MGAT3: variants seen among roughly 807,000 people sequenced by gnomAD.
MGAT3 encodes the protein beta-1,4-mannosyl-glycoprotein 4-beta-N-acetylglucosaminyltransferase, also known as GlcNAc-T III.
Under a neutral mutation model 29.8 loss-of-function variants are expected in MGAT3, and 9 were observed. The observed-to-expected ratio is 0.30, with a 90% confidence interval of 0.18 to 0.53. The LOEUF (loss-of-function observed/expected upper bound fraction) is 0.53, where lower values mean the gene tolerates loss of function less well. Ranked by LOEUF, MGAT3 falls within the 20% of genes least tolerant of loss-of-function variation. The pLI is 0.96. For synonymous variants in MGAT3, 397 were observed against 348.9 expected, an observed-to-expected ratio of 1.14 and a Z score of -1.54; for missense variants, 557 against 769.5, an observed-to-expected ratio of 0.72 and a Z score of 3.27.
rs892570952 is a variant in MGAT3 at position 39,462,687 on chromosome 22, C to T, written c.-2+5130C>T. On this transcript the variant is annotated intron_variant, in intron 1 of 1. Transcript: ENST00000341184. ...AGCAGGGAGCTGACAAGGGGACCCA[C>T]GGCCTTGCCCATAAGTCAGGAAGTT... 7.2e-5 allele frequency among the ~76,000 whole-genome samples: 11 copies of T among 152,306 alleles called. No homozygotes were observed. The East Asian group carries it at 1.5e-3, about 21-fold the overall frequency.
At position 39,490,450 on chromosome 22, in the gene MGAT3, G is replaced by C. The variant is rs995406540; in HGVS notation, c.*1501G>C. The C allele has an allele frequency of 2.4e-5, 4 of 167,128 alleles. No homozygotes were observed. In the East Asian group the frequency reaches 7.6e-4, roughly 32 times the overall value. 10.4% of individuals were successfully genotyped at this position (167,128 alleles called of 1,614,324 possible). A position where few individuals can be genotyped will look rare whatever the true frequency, so the allele number is the denominator to read the frequency against. On this transcript the variant is annotated 3_prime_UTR_variant, in exon 2 of 2. Coordinates refer to ENST00000341184, the MANE Select transcript of MGAT3 (RefSeq NM_002409.5). Reference sequence around the variant, plus strand: ...GTTATCTTATTGATGGAGGAGAAGAGAATGGATATGGGGGACCAGTAGCAT... The same window carrying C: ...GTTATCTTATTGATGGAGGAGAAGACAATGGATATGGGGGACCAGTAGCAT...
chr22:39,487,716 G>A lies in MGAT3; in HGVS notation c.369G>A (p.Lys123=), dbSNP rs1408691825. ...AGGVCFKPGT[K]MLERPPPGRP... The stretch of plus-strand genomic sequence containing the variant: ...GCGTCTGCTTCAAACCCGGCACCAA[G>A]ATGCTGGAGAGGCCGCCCCCGGGAC... The change falls in exon 2 of 2, where the codon AAG becomes AAA. Residue 123 remains lysine (K), a synonymous_variant. Transcript: ENST00000341184. This position sits in a 1 kb window ranked among gnomAD's most constrained non-coding sequence, Gnocchi z 5.7. 1 of 1,570,104 alleles carries A rather than the reference G, an allele frequency of 6.4e-7. No individual in the cohort carries two copies. Among genetic ancestry groups the A allele is most frequent in the Non-Finnish European group, 8.6e-7 (1 of 1,160,472 alleles).
At chr22:39,464,704 G>C (rs1198132975) in intron 1 of MGAT3, among the ~76,000 whole-genome samples, 2 of 151,872 alleles carry the variant, frequency 1.3e-5, no homozygotes, top group Non-Finnish European at 2.9e-5. Flanking sequence ...GCCTCCCAAA[G>C]TGCTGAGATT....
At chr22:39,467,487 C>T (rs1928681991) in intron 1 of MGAT3, among the ~76,000 whole-genome samples, 1 of 152,038 alleles carries the variant, frequency 6.6e-6, no homozygotes, top group African/African-American at 2.4e-5. Flanking sequence ...CTCTCAAGAG[C>T]CCCAAAGAGT....
chr22:39,475,466 T>A (rs1411111836), intron 1 of MGAT3, among the ~76,000 whole-genome samples: 5 of 152,104 alleles, frequency 3.3e-5, no homozygotes, highest in Non-Finnish European at 4.4e-5. Context: ...ATCACCTGCC[T>A]AATGCCCCTG....
chr22:39,471,016 A>G (rs1928794527), intron 1 of MGAT3, among the ~76,000 whole-genome samples: 1 of 152,184 alleles, frequency 6.6e-6, no homozygotes, highest in African/African-American at 2.4e-5. Context: ...CAGAGGCAGA[A>G]GCACTCAGCC....
intron 1 of MGAT3, among the ~76,000 whole-genome samples, chr22:39,473,342 G>GT (rs1928864284): frequency 6.6e-6 from 1 of 152,208 alleles, no homozygotes; most frequent in African/African-American, 2.4e-5. Flanking sequence ...AAGGGCAGAA[G>GT]TATCCACACA....
chr22:39,480,408 A>T (rs1601726892), intron 1 of MGAT3, among the ~76,000 whole-genome samples: 1 of 152,106 alleles, frequency 6.6e-6, no homozygotes, highest in Admixed American at 6.5e-5. Flanking sequence ...AACCACAGTG[A>T]CCCTCCTGGC....
At position 39,487,534 on chromosome 22, in the gene MGAT3, G is replaced by A. The variant is rs368729519; in HGVS notation, c.187G>A (p.Glu63Lys). The change falls in exon 2 of 2, where the codon GAG (glutamate) becomes AAG (lysine). Residue 63 changes from glutamate to lysine, a missense_variant. By Grantham distance (56) the Glu-to-Lys change is moderately conservative (BLOSUM62 1). This residue lies in a region of MGAT3 where 212 missense variants were observed against 228.5 expected (regional missense o/e 0.93). Coordinates refer to ENST00000341184, the MANE Select transcript of MGAT3 (RefSeq NM_002409.5). This position sits in a 1 kb window ranked among gnomAD's most constrained non-coding sequence, Gnocchi z 5.7. ...CCCGGTCACGCCCCAGGCCAGCCCCGAGCCAGGAGGCCCTGACCTGCTGCG... is the reference window on the plus strand; with the variant it reads ...CCCGGTCACGCCCCAGGCCAGCCCCAAGCCAGGAGGCCCTGACCTGCTGCG... Reference protein sequence around the residue: ...NAPVTPQASPEPGGPDLLRTP... With the variant: ...NAPVTPQASPKPGGPDLLRTP... 1.3e-5 allele frequency: 21 copies of A among 1,612,496 alleles called. No homozygotes were observed. Among genetic ancestry groups the A allele is most frequent in the Non-Finnish European group, 1.6e-5 (19 of 1,179,936 alleles).
At chr22:39,483,502 TA>T (rs5845430) in intron 1 of MGAT3, among the ~76,000 whole-genome samples, 58,525 of 147,766 alleles carry the variant, frequency 0.4, 11,551 homozygotes, top group Middle Eastern at 0.56. Context: ...ATTAAAAAAT[TA>T]AAAAAAAAAA....
Position 39,488,658 on chromosome 22 carries a change from T to G in MGAT3, c.1311T>G (p.Asn437Lys), listed in dbSNP as rs763536551. ...ACTTCAAGCTCGTGTCCGCCCAGAA[T>G]GGCGACTTCCCACGCTGGGGTGACT... ...GIYFKLVSAQ[N>K]GDFPRWGDYE... The change falls in exon 2 of 2, where the codon AAT (asparagine) becomes AAG (lysine). Residue 437 changes from asparagine to lysine, a missense_variant. This residue lies in a region of MGAT3 where 243 missense variants were observed against 444.0 expected (regional missense o/e 0.55). Coordinates refer to ENST00000341184, the MANE Select transcript of MGAT3 (RefSeq NM_002409.5). The G allele has an allele frequency of 5.0e-6, 8 of 1,613,742 alleles. No homozygotes were observed. Among genetic ancestry groups the G allele is most frequent in the Non-Finnish European group, 6.8e-6 (8 of 1,180,012 alleles).
chr22:39,469,507 G>A (rs1928748504), intron 1 of MGAT3, among the ~76,000 whole-genome samples: 1 of 152,196 alleles, frequency 6.6e-6, no homozygotes, highest in Non-Finnish European at 1.5e-5. Context: ...CTGCTGCCCT[G>A]TACACATGGG....
At position 39,487,512 on chromosome 22, in the gene MGAT3, G is replaced by A. The variant is rs143400156; in HGVS notation, c.165G>A (p.Pro55=). Reference sequence around the variant, plus strand: ...CCAGCTTTTTCTGGAACAATGCCCCGGTCACGCCCCAGGCCAGCCCCGAGC... The same window carrying A: ...CCAGCTTTTTCTGGAACAATGCCCCAGTCACGCCCCAGGCCAGCCCCGAGC... ...LVSSFFWNNA[P]VTPQASPEPG... is the part of the protein sequence containing the mutation. The change falls in exon 2 of 2, where the codon CCG becomes CCA. Residue 55 remains proline, a synonymous_variant. Transcript: ENST00000341184. The surrounding 1 kb of genome is among the most constrained non-coding windows in gnomAD (Gnocchi z 5.7). 1.1e-4 allele frequency: 179 copies of A among 1,612,172 alleles called. No homozygotes were observed. In the African/African-American group the frequency reaches 1.9e-3, roughly 17 times the overall value.
chr22:39,482,615 TTTTA>T (rs1418970087), intron 1 of MGAT3, among the ~76,000 whole-genome samples: 2 of 152,244 alleles, frequency 1.3e-5, no homozygotes, highest in Non-Finnish European at 2.9e-5. Flanking sequence ...ATTTATTCCA[TTTTA>T]TTTATATGCT....
At chr22:39,472,528 C>T (rs946733752) in intron 1 of MGAT3, among the ~76,000 whole-genome samples, 1 of 152,160 alleles carries the variant, frequency 6.6e-6, no homozygotes, top group Non-Finnish European at 1.5e-5. Context: ...TTTTACTGAG[C>T]GCTTGGCCCT....
In MGAT3 at chr22:39,457,709, G is replaced by T. The variant is rs1163288389; in HGVS notation, c.-2+152G>T. ...GGCGGGCGCGGGCGCACTGGGGCTG[G>T]GGGCCCGGAGGCCGCGGTGGGGGCG... On this transcript the variant is annotated intron_variant, in intron 1 of 1. Transcript: ENST00000341184. The surrounding 1 kb of genome is among the most constrained non-coding windows in gnomAD (Gnocchi z 6.8). Among the ~76,000 whole-genome samples, 4 of 150,488 alleles carry T rather than the reference G, an allele frequency of 2.7e-5. No homozygotes were observed. Among genetic ancestry groups the T allele is most frequent in the Non-Finnish European group, 4.5e-5 (3 of 67,346 alleles).
rs76066045 is a variant in MGAT3, at chr22:39,490,052, G to A, written c.*1103G>A. 2,986 of 167,468 alleles carry A rather than the reference G, an allele frequency of 0.018. 34 individuals carry two copies. Among genetic ancestry groups the A allele is most frequent in the Non-Finnish European group, 0.029 (1,954 of 68,170 alleles). The allele number at this position is 167,468 out of a possible 1,614,324, so 10.4% of individuals were successfully genotyped here. A position where few individuals can be genotyped will look rare whatever the true frequency, so the allele number is the denominator to read the frequency against. On this transcript the variant is annotated 3_prime_UTR_variant, in exon 2 of 2. Coordinates refer to ENST00000341184, the MANE Select transcript of MGAT3 (RefSeq NM_002409.5). Reference sequence around the variant, plus strand: ...GGATGTCTTTGTTGGAGTTGATTCTGAGCTGCTGTGATTAGGAGACCCTGA... The same window carrying A: ...GGATGTCTTTGTTGGAGTTGATTCTAAGCTGCTGTGATTAGGAGACCCTGA...
At chr22:39,464,708 T>G (rs937229281) in intron 1 of MGAT3, among the ~76,000 whole-genome samples, 1 of 151,978 alleles carries the variant, frequency 6.6e-6, no homozygotes, top group Non-Finnish European at 1.5e-5. Flanking sequence ...CCCAAAGTGC[T>G]GAGATTACAG....
At chr22:39,486,968 G>A (rs1390456473) in intron 1 of MGAT3, among the ~76,000 whole-genome samples, 1 of 152,200 alleles carries the variant, frequency 6.6e-6, no homozygotes, top group Admixed American at 6.5e-5. Flanking sequence ...TCCCCGTTCT[G>A]TCCTGGGGCG....
Sources: allele counts gnomAD v4.1 joint callset (sites outside exome capture counted in the v4.1 genomes callset), GRCh38; gene constraint gnomAD v4.1.1; regional missense constraint gnomAD v4.1.1; non-coding constraint Gnocchi (gnomAD v3.1); transcripts MANE v1.5; gene names NCBI Gene and HGNC (gene_info 2026-07-23, HGNC 2026-07-21).